The following USP15 variants were observed in gnomAD, a reference collection of about 807,000 sequenced individuals.
The protein encoded by USP15 is ubiquitin carboxyl-terminal hydrolase 15.
Under a neutral mutation model 127.1 loss-of-function variants are expected in USP15, and 18 were observed. The observed-to-expected ratio is 0.14, with a 90% CI of 0.10 to 0.21. USP15 has a LOEUF of 0.21. Ranked by LOEUF, USP15 falls within the 10% of genes least tolerant of loss-of-function variation. USP15 has a pLI of 1.00. For synonymous variants in USP15, 364 were observed against 393.7 expected (o/e 0.92, Z 0.89); for missense variants, 805 against 1,159.9 (o/e 0.69, Z 4.44).
chr12:62,381,369 C>T, intron 8 of USP15, 121 bp from the exon 9 acceptor site: 1 of 803,922 alleles, frequency 1.2e-6, no homozygotes, highest in East Asian at 2.8e-5. Context: ...GTGCAAGAAA[C>T]CATCATTTAA....
At chr12:62,353,400 G>A (rs1028012004) in intron 7 of USP15, among the ~76,000 whole-genome samples, 17 of 152,064 alleles carry the variant, frequency 1.1e-4, no homozygotes, top group African/African-American at 2.9e-4. Flanking sequence ...TGTGTTACAC[G>A]TGGGGAGAGA....
In USP15 at chr12:62,335,611, C is replaced by A. The variant is rs538159488; in HGVS notation, c.683+9678C>A. Reference sequence around the variant, plus strand: ...AAACACCAGTTTATTATTTTTATTTCTTTTCTAATGTCATCTTCCCCCTCA... The same window carrying A: ...AAACACCAGTTTATTATTTTTATTTATTTTCTAATGTCATCTTCCCCCTCA... On this transcript the variant is annotated intron_variant, in intron 6 of 21. Coordinates refer to ENST00000280377, the MANE Select transcript of USP15 (RefSeq NM_001252078.2). 3.2e-5 allele frequency: 32 copies of A among 995,302 alleles called. No homozygotes were observed. The East Asian group carries it at 1.1e-3, about 33-fold the overall frequency. The allele number at this position is 995,302 out of a possible 1,614,324, so 61.7% of individuals were successfully genotyped here.
intron 2 of USP15, among the ~76,000 whole-genome samples, chr12:62,301,212 G>T (rs2064307495): frequency 6.6e-6 from 1 of 152,102 alleles, no homozygotes; most frequent in East Asian, 1.9e-4. Flanking sequence ...TGTAGAGGAA[G>T]TAGAACTCTC....
Position 62,335,135 on chromosome 12 carries a change from T to C in USP15, c.683+9202T>C, listed in dbSNP as rs920016471. 6 of 1,534,110 alleles carry C rather than the reference T, an allele frequency of 3.9e-6. No individual in the cohort carries two copies. In the African/African-American group the frequency reaches 8.2e-5, roughly 21 times the overall value. On this transcript the variant is annotated intron_variant, in intron 6 of 21. Transcript: ENST00000280377. Reference sequence around the variant, plus strand: ...TTTGATGTCTAGTTAATGTATGATATTCTTAGCACTTTTTTTTCTCCTTTT... The same window carrying C: ...TTTGATGTCTAGTTAATGTATGATACTCTTAGCACTTTTTTTTCTCCTTTT...
chr12:62,267,746 C>G (rs981264942), intron 1 of USP15, among the ~76,000 whole-genome samples: 6 of 152,056 alleles, frequency 3.9e-5, no homozygotes, highest in Non-Finnish European at 7.4e-5. Flanking sequence ...AAGGGTGGCT[C>G]TGAGGCCAGG....
intron 6 of USP15, chr12:62,336,582 A>C: frequency 1.3e-6 from 1 of 759,206 alleles, no homozygotes; most frequent in Non-Finnish European, 1.6e-6. Context: ...AAATTGAAAT[A>C]AGATTTTAAG....
At chr12:62,297,094 G>A (rs955216348) in intron 2 of USP15, among the ~76,000 whole-genome samples, 1 of 152,190 alleles carries the variant, frequency 6.6e-6, no homozygotes, top group Non-Finnish European at 1.5e-5. Context: ...GGGGCATCCT[G>A]CACTGCCCAT....
rs1243068616 is a variant in USP15 at position 62,393,134 on chromosome 12, T to C, written c.2502T>C (p.His834=). The change falls in exon 19 of 22, where the codon CAT becomes CAC. Residue 834 remains histidine (H), a synonymous_variant. Transcript: ENST00000280377. ...CCCTGCCTCCAGTACTTGTAGTACA[T>C]CTCAAGCGATTTTCTTACAGTCGAT... ...LWSLPPVLVV[H]LKRFSYSRYM... is the part of the protein sequence containing the mutation. 6.2e-7 allele frequency: 1 copy of C among 1,613,782 alleles called. No homozygotes were observed. Among genetic ancestry groups the C allele is most frequent in the East Asian group, 2.2e-5 (1 of 44,808 alleles).
Position 62,311,278 on chromosome 12 carries a change from G to A in USP15, c.349-3512G>A, listed in dbSNP as rs184401097. On this transcript the variant is annotated intron_variant, in intron 3 of 21. Transcript: ENST00000280377. ...TACTGAAAATTGTGAAACATTACTG[G>A]GTAAAATTAAAGAAGACTTAATGAA... Among the ~76,000 whole-genome samples, 3 of 151,862 alleles carry A rather than the reference G, an allele frequency of 2.0e-5. No individual in the cohort carries two copies. The East Asian group carries it at 5.8e-4, about 29-fold the overall frequency.
chr12:62,391,015 CT>C, intron 15 of USP15, 36 bp downstream of exon 15: 1 of 1,577,490 alleles, frequency 6.3e-7, no homozygotes, highest in Non-Finnish European at 8.6e-7. Flanking sequence ...AAATGTTTCA[CT>C]TAGATAATTG....
intron 19 of USP15, among the ~76,000 whole-genome samples, chr12:62,394,167 A>G (rs1258713723): frequency 6.6e-6 from 1 of 152,224 alleles, no homozygotes; most frequent in African/African-American, 2.4e-5. Flanking sequence ...AATGACAAAA[A>G]GGGAACATTG....
chr12:62,338,876 TGTA>T (rs1392681035), intron 6 of USP15, among the ~76,000 whole-genome samples: 2 of 152,210 alleles, frequency 1.3e-5, no homozygotes, highest in Non-Finnish European at 1.5e-5. Flanking sequence ...ACTATAGCCT[TGTA>T]GTATAGTTTG....
intron 8 of USP15, among the ~76,000 whole-genome samples, chr12:62,359,825 C>A (rs778571102): frequency 6.6e-6 from 1 of 151,986 alleles, no homozygotes; most frequent in African/African-American, 2.4e-5. Context: ...CTAGGAAATT[C>A]AAAATTGTTG....
chr12:62,315,161 T>G, intron 4 of USP15: 1 of 256,586 alleles, frequency 3.9e-6, no homozygotes, highest in Non-Finnish European at 7.2e-6. Context: ...TAATTATTGT[T>G]TTTATTTAGC....
intron 1 of USP15, among the ~76,000 whole-genome samples, chr12:62,265,690 G>A (rs997156245): frequency 6.6e-6 from 1 of 152,144 alleles, no homozygotes; most frequent in African/African-American, 2.4e-5. Flanking sequence ...GGAACTACAG[G>A]TGTGCGCCAC....
intron 1 of USP15, among the ~76,000 whole-genome samples, chr12:62,284,323 G>C (rs942486138): frequency 6.6e-6 from 1 of 152,160 alleles, no homozygotes; most frequent in African/African-American, 2.4e-5. Context: ...TTAGAAAATA[G>C]GATTTTCTTA....
At chr12:62,355,247 T>A in intron 7 of USP15, 84 bp from the exon 8 acceptor site, 2 of 1,180,058 alleles carry the variant, frequency 1.7e-6, no homozygotes, top group East Asian at 2.6e-5. Context: ...CAACCACATA[T>A]CTCATAAATA....
rs544498444 is a variant in USP15, at chr12:62,280,801, T to C, written c.90-13378T>C. Among the ~76,000 whole-genome samples the C allele has an allele frequency of 3.9e-5, 6 of 152,240 alleles. No homozygotes were observed. The South Asian group carries it at 1.2e-3, about 32-fold the overall frequency. On this transcript the variant is annotated intron_variant, in intron 1 of 21. Coordinates refer to ENST00000280377, the MANE Select transcript of USP15 (RefSeq NM_001252078.2). ...ATGAAAGAAGGCTCTTGCAGCTGGA[T>C]CTGGGCACAAAGAAAAATGGTACCA... is the stretch of plus-strand genomic sequence containing the variant.
chr12:62,310,186 T>G (rs1592556927), intron 3 of USP15, among the ~76,000 whole-genome samples: 1 of 151,958 alleles, frequency 6.6e-6, no homozygotes, highest in East Asian at 1.9e-4. Flanking sequence ...TTTGTACAAA[T>G]TAGTGGTGTA....
Sources: allele counts gnomAD v4.1 joint callset (sites outside exome capture counted in the v4.1 genomes callset), GRCh38; gene constraint gnomAD v4.1.1; transcripts MANE v1.5; gene names NCBI Gene and HGNC (gene_info 2026-07-23, HGNC 2026-07-21).